The following ARHGAP42 variants were observed in gnomAD, a reference collection of about 807,000 sequenced individuals.
ARHGAP42 encodes Rho GTPase activating protein 42, also known as rho GTPase-activating protein 42.
A neutral mutation model predicts 125.0 loss-of-function variants in ARHGAP42; 63 were observed. The observed-to-expected ratio is 0.50, with a 90% CI of 0.41 to 0.62. The LOEUF (loss-of-function observed/expected upper bound fraction) is 0.62, where lower values mean the gene tolerates loss of function less well. ARHGAP42 is among the 20% of genes least tolerant of loss of function. The pLI, the probability that ARHGAP42 is intolerant of heterozygous loss-of-function variation, is 0.00. For synonymous variants in ARHGAP42, 339 were observed against 351.0 expected (o/e 0.97, Z 0.38); for missense variants, 766 against 1,024.2 (o/e 0.75, Z 3.44).
intron 1 of ARHGAP42, among the ~76,000 whole-genome samples, chr11:100,722,492 G>A (rs575241586): frequency 1.3e-5 from 2 of 151,506 alleles, no homozygotes; most frequent in South Asian, 4.2e-4. Flanking sequence ...CCAGGTTCAA[G>A]TGATTCTCCT....
At position 100,949,759 on chromosome 11, in the gene ARHGAP42, T is replaced by A. The variant is rs1455708505; in HGVS notation, c.1123-158T>A. On this transcript the variant is annotated intron_variant, in intron 11 of 23. Coordinates refer to ENST00000298815, the MANE Select transcript of ARHGAP42 (RefSeq NM_152432.4). Reference sequence around the variant, plus strand: ...GGGTGGGTGAACCACAGGAAGGAAGTTGGTTGATGGTACACAGGTGGTGCT... The same window carrying A: ...GGGTGGGTGAACCACAGGAAGGAAGATGGTTGATGGTACACAGGTGGTGCT... Among the ~76,000 whole-genome samples, 3 of 152,046 alleles carry A rather than the reference T, an allele frequency of 2.0e-5. 1 individual carries two copies. The highest frequency in any genetic ancestry group is 4.1e-4 in the South Asian group (2 of 4,824).
chr11:100,710,209 C>T (rs1265666429), intron 1 of ARHGAP42, among the ~76,000 whole-genome samples: 1 of 151,970 alleles, frequency 6.6e-6, no homozygotes, highest in Non-Finnish European at 1.5e-5. Flanking sequence ...TATATTATAA[C>T]ATTGTATTTT....
chr11:100,759,118 G>A (rs1017144987), intron 1 of ARHGAP42, among the ~76,000 whole-genome samples: 1 of 152,106 alleles, frequency 6.6e-6, no homozygotes, highest in Non-Finnish European at 1.5e-5. Context: ...TAGGTTAGCA[G>A]GTAAAAATGT....
chr11:100,734,004 G>T lies in ARHGAP42; in HGVS notation c.155-36339G>T, dbSNP rs201760707. Among the ~76,000 whole-genome samples, 16 of 143,962 alleles carry T rather than the reference G, an allele frequency of 1.1e-4. No individual in the cohort carries two copies. In the East Asian group the frequency reaches 3.4e-3, roughly 31 times the overall value. 94.4% of individuals were successfully genotyped at this position (143,962 alleles called of 152,430 possible). A position where few individuals can be genotyped will look rare whatever the true frequency, so the allele number is the denominator to read the frequency against. The stretch of plus-strand genomic sequence containing the variant: ...GGCTGGAGTGCAGTGGCACAATCTC[G>T]GCTCACTGCAACCACTGCCACCTGG... On this transcript the variant is annotated intron_variant, in intron 1 of 23. Coordinates refer to ENST00000298815, the MANE Select transcript of ARHGAP42 (RefSeq NM_152432.4).
chr11:100,881,198 C>G (rs1015848770), intron 4 of ARHGAP42, among the ~76,000 whole-genome samples: 1 of 152,116 alleles, frequency 6.6e-6, no homozygotes, highest in African/African-American at 2.4e-5. Flanking sequence ...ATGTTATCTT[C>G]TAGAATTTTT....
intron 4 of ARHGAP42, among the ~76,000 whole-genome samples, chr11:100,873,224 C>T (rs920115454): frequency 1.3e-5 from 2 of 152,272 alleles, no homozygotes; most frequent in East Asian, 1.9e-4. Flanking sequence ...TTGATATATA[C>T]GGGTATGATT....
intron 4 of ARHGAP42, among the ~76,000 whole-genome samples, chr11:100,879,318 T>G (rs758724423): frequency 6.6e-6 from 1 of 152,182 alleles, no homozygotes; most frequent in Non-Finnish European, 1.5e-5. Flanking sequence ...TTTGAAGTAC[T>G]GAGTGACTAG....
At chr11:100,866,463 G>T (rs898629228) in intron 4 of ARHGAP42, among the ~76,000 whole-genome samples, 5 of 152,164 alleles carry the variant, frequency 3.3e-5, no homozygotes, top group Non-Finnish European at 7.3e-5. Flanking sequence ...TAGCCTTATT[G>T]TATTAGTCTA....
At chr11:100,986,243 G>A (rs1214621469) in intron 22 of ARHGAP42, 1 of 363,534 alleles carries the variant, frequency 2.8e-6, no homozygotes, top group East Asian at 7.8e-5. Flanking sequence ...CTATTTCAGA[G>A]AAGGCCTGAC....
intron 5 of ARHGAP42, among the ~76,000 whole-genome samples, chr11:100,914,689 C>T (rs1258716388): frequency 1.3e-5 from 2 of 152,124 alleles, no homozygotes; most frequent in African/African-American, 2.4e-5. Flanking sequence ...TCTCCTCCTC[C>T]TCTCTCTTCA....
Position 100,990,439 on chromosome 11 carries a change from AG to A in ARHGAP42, c.*1639del, listed in dbSNP as rs1482199064. 6.6e-6 allele frequency: 1 copy of A among 152,240 alleles called. No individual in the cohort carries two copies. Among genetic ancestry groups the A allele is most frequent in the Non-Finnish European group, 1.5e-5 (1 of 68,036 alleles). The allele number at this position is 152,240 out of a possible 1,614,324, so 9.4% of individuals were successfully genotyped here. On this transcript the variant is annotated 3_prime_UTR_variant, in exon 24 of 24. Coordinates refer to ENST00000298815, the MANE Select transcript of ARHGAP42 (RefSeq NM_152432.4). Reference sequence around the variant, plus strand: ...TAGGCTTTTACAAATAAAAAGAATAAGATTAGAATTAACAAGTAGAGAGAAT... The same window carrying A: ...TAGGCTTTTACAAATAAAAAGAATAAATTAGAATTAACAAGTAGAGAGAAT...
intron 1 of ARHGAP42, among the ~76,000 whole-genome samples, chr11:100,731,954 T>C (rs539884986): frequency 6.6e-6 from 1 of 150,936 alleles, no homozygotes; most frequent in East Asian, 2.0e-4. Context: ...CTTTTTTTTT[T>C]CTTTTTCTTT....
chr11:100,716,207 C>T (rs1005746782), intron 1 of ARHGAP42, among the ~76,000 whole-genome samples: 3 of 152,222 alleles, frequency 2.0e-5, no homozygotes, highest in Non-Finnish European at 4.4e-5. Flanking sequence ...ACTGTGGTTT[C>T]TGCCCCTTGA....
chr11:100,706,960 A>G (rs748769435), intron 1 of ARHGAP42, among the ~76,000 whole-genome samples: 1 of 152,214 alleles, frequency 6.6e-6, no homozygotes, highest in African/African-American at 2.4e-5. Context: ...CTGTTTCTAC[A>G]TAATTGCCTG....
chr11:100,806,511 G>A (rs962271363), intron 3 of ARHGAP42, among the ~76,000 whole-genome samples: 1 of 152,104 alleles, frequency 6.6e-6, no homozygotes, highest in Admixed American at 6.6e-5. Flanking sequence ...TTTCTGGTAT[G>A]TCTTAGGTTA....
intron 4 of ARHGAP42, among the ~76,000 whole-genome samples, chr11:100,861,695 C>T (rs981130416): frequency 2.6e-5 from 4 of 152,262 alleles, no homozygotes; most frequent in African/African-American, 7.2e-5. Flanking sequence ...GTTGAACCAC[C>T]TACTGATATA....
chr11:100,833,842 C>T (rs961784847), intron 3 of ARHGAP42, among the ~76,000 whole-genome samples: 1 of 152,110 alleles, frequency 6.6e-6, no homozygotes, highest in Non-Finnish European at 1.5e-5. Flanking sequence ...TGGGCTGTAC[C>T]TCTTGATGAG....
intron 6 of ARHGAP42, among the ~76,000 whole-genome samples, chr11:100,922,697 A>C (rs1308678902): frequency 6.6e-6 from 1 of 152,232 alleles, no homozygotes. Flanking sequence ...ATTTCACATA[A>C]ATCATTTTCT....
At chr11:100,725,471 G>A (rs1861838535) in intron 1 of ARHGAP42, among the ~76,000 whole-genome samples, 1 of 151,652 alleles carries the variant, frequency 6.6e-6, no homozygotes, top group Non-Finnish European at 1.5e-5. Context: ...GCCCAGCCGT[G>A]ACCAAAATCT....
Sources: allele counts gnomAD v4.1 joint callset (sites outside exome capture counted in the v4.1 genomes callset), GRCh38; gene constraint gnomAD v4.1.1; transcripts MANE v1.5; gene names NCBI Gene and HGNC (gene_info 2026-07-23, HGNC 2026-07-21).